DMD: variants seen among roughly 807,000 people sequenced by gnomAD.
DMD encodes the protein dystrophin.
In DMD, 63 loss-of-function variants were observed where a neutral mutation model predicts 330.1. That is an observed-to-expected ratio of 0.19 (90% CI 0.16 to 0.24). DMD has a LOEUF of 0.24. DMD is among the 10% of genes least tolerant of loss of function. DMD has a pLI of 1.00. For synonymous variants in DMD, 1,223 were observed against 959.8 expected, an observed-to-expected ratio of 1.27 and a Z score of -5.07; for missense variants, 3,344 against 2,684.1, an observed-to-expected ratio of 1.25 and a Z score of -5.43.
At chrX:32,470,917 A>G (rs767931980) in intron 22 of DMD, among the ~76,000 whole-genome samples, 5 of 112,295 alleles carry the variant, frequency 4.5e-5, no homozygotes, top group Non-Finnish European at 9.4e-5. Flanking sequence ...TTCTAAATAT[A>G]ACTAATACGT....
At chrX:32,884,263 A>G (rs1352040205) in intron 2 of DMD, among the ~76,000 whole-genome samples, 1 of 111,803 alleles carries the variant, frequency 8.9e-6, no homozygotes, top group Non-Finnish European at 1.9e-5. Context: ...AGGCCCAGTG[A>G]TAATTCTAGA....
chrX:32,835,962 T>G (rs2079577723), intron 4 of DMD, among the ~76,000 whole-genome samples: 1 of 111,153 alleles, frequency 9.0e-6, no homozygotes, highest in South Asian at 3.8e-4. Flanking sequence ...ATTAGGAGGC[T>G]GTTCATATGA....
intron 63 of DMD, among the ~76,000 whole-genome samples, chrX:31,225,513 C>T (rs2046494689): frequency 8.9e-6 from 1 of 112,151 alleles, no homozygotes; most frequent in Non-Finnish European, 1.9e-5. Context: ...AAATGGTGCC[C>T]TAGGCTGAAT....
intron 2 of DMD, among the ~76,000 whole-genome samples, chrX:32,992,631 G>A (rs2093005891): frequency 9.0e-6 from 1 of 111,120 alleles, no homozygotes; most frequent in Non-Finnish European, 1.9e-5. Flanking sequence ...TTTAAGAACA[G>A]ACTGTTGGCC....
chrX:31,984,957 G>C (rs1232175241), intron 44 of DMD, among the ~76,000 whole-genome samples: 1 of 111,849 alleles, frequency 8.9e-6, no homozygotes, highest in Non-Finnish European at 1.9e-5. Context: ...CTGAAACAAT[G>C]ATGGGACAAC....
intron 1 of DMD, among the ~76,000 whole-genome samples, chrX:33,172,482 T>G (rs942247695): frequency 2.7e-5 from 3 of 110,615 alleles, no homozygotes; most frequent in African/African-American, 6.7e-5. Context: ...GAAGGATATC[T>G]CAGGAATAAG....
At chrX:32,481,445 T>C (rs370198957) in intron 21 of DMD, among the ~76,000 whole-genome samples, 35 of 111,560 alleles carry the variant, frequency 3.1e-4, no homozygotes, top group African/African-American at 1.1e-3. Context: ...ATTTCCTCAA[T>C]TGAAATTCTT....
chrX:32,681,588 C>G (rs1569449654), intron 9 of DMD, among the ~76,000 whole-genome samples: 1 of 111,833 alleles, frequency 8.9e-6, no homozygotes, highest in East Asian at 2.8e-4. Context: ...TCACGGGCAG[C>G]TGCTCCCTTA....
At chrX:31,586,708 C>G (rs1477508852) in intron 55 of DMD, among the ~76,000 whole-genome samples, 1 of 112,171 alleles carries the variant, frequency 8.9e-6, no homozygotes, top group East Asian at 2.8e-4. Flanking sequence ...ATCTTAGAAT[C>G]AAGAACGTTT....
chrX:31,749,141 A>T lies in DMD; in HGVS notation c.7543-19393T>A, dbSNP rs752379688. ...CTTTTTTTAATTATTTTGAGATTTT[A>T]TTATTATTATTATTATTATACTTTA... On this transcript the variant is annotated intron_variant, in intron 51 of 78. Coordinates refer to ENST00000357033, the MANE Select transcript of DMD (RefSeq NM_004006.3). 1.2e-4 allele frequency among the ~76,000 whole-genome samples: 7 copies of T among 60,206 alleles called. No individual in the cohort carries two copies. In the East Asian group the frequency reaches 5.1e-3, roughly 44 times the overall value. 52.3% of individuals were successfully genotyped at this position (60,206 alleles called of 115,157 possible).
intron 44 of DMD, among the ~76,000 whole-genome samples, chrX:32,020,255 G>T (rs1402041549): frequency 8.9e-6 from 1 of 112,217 alleles, no homozygotes; most frequent in Non-Finnish European, 1.9e-5. Flanking sequence ...AATCATGCTG[G>T]GCCGGCCCAA....
rs771240938 is a variant in DMD, at chrX:31,169,531, G to A, written c.10465C>T (p.Arg3489Cys). ...LNQDSPLSQP[R>C]SPAQILISLE... is the part of the protein sequence containing the mutation. The stretch of plus-strand genomic sequence containing the variant: ...GAAATCAAGATCTGGGCAGGACTAC[G>A]AGGCTGGCTCAGGGGGGAGTCCTGG... The change falls in exon 74 of 79, where the codon CGT becomes TGT. Residue 3489 changes from arginine (R) to cysteine (C), a missense_variant. By Grantham distance (180) the Arg-to-Cys change is radical. Coordinates refer to ENST00000357033, the MANE Select transcript of DMD (RefSeq NM_004006.3). The A allele has an allele frequency of 8.3e-7, 1 of 1,203,832 alleles. No homozygotes were observed. The highest frequency in any genetic ancestry group is 3.0e-5 in the East Asian group (1 of 33,741).
At chrX:32,445,720 C>T (rs2098300736) in intron 27 of DMD, among the ~76,000 whole-genome samples, 1 of 110,241 alleles carries the variant, frequency 9.1e-6, no homozygotes, top group South Asian at 3.8e-4. Flanking sequence ...ACATTTCAGT[C>T]AAACAGATGG....
intron 1 of DMD, among the ~76,000 whole-genome samples, chrX:33,205,510 A>T (rs2051514374): frequency 8.9e-6 from 1 of 112,119 alleles, no homozygotes; most frequent in African/African-American, 3.2e-5. Flanking sequence ...TTGCAACCGT[A>T]ATCTGATAAA....
intron 53 of DMD, among the ~76,000 whole-genome samples, chrX:31,658,413 C>A (rs1183114355): frequency 9.0e-6 from 1 of 111,562 alleles, no homozygotes; most frequent in Non-Finnish European, 1.9e-5. Flanking sequence ...ATAAAGTGGG[C>A]TTAATTGTTT....
At chrX:33,293,552 A>C (rs1267844914) in intron 1 of DMD, among the ~76,000 whole-genome samples, 2 of 111,425 alleles carry the variant, frequency 1.8e-5, no homozygotes, top group Non-Finnish European at 3.8e-5. Flanking sequence ...AGTTTCACAC[A>C]TTAATTCTTA....
chrX:31,380,185 A>G (rs141243123), intron 60 of DMD, among the ~76,000 whole-genome samples: 1 of 110,060 alleles, frequency 9.1e-6, no homozygotes, highest in Admixed American at 9.7e-5. Flanking sequence ...TAAAACTCCC[A>G]AACTCTGGTG....
At chrX:32,705,578 ACGAGGCAGGTGCATCG>A (rs1445956754) in intron 7 of DMD, among the ~76,000 whole-genome samples, 1 of 111,553 alleles carries the variant, frequency 9.0e-6, no homozygotes, top group Non-Finnish European at 1.9e-5. Context: ...CTTCGGGAGG[ACGAGGCAGGTGCATCG>A]CCTGAGGTTA....
chrX:31,663,836 C>G (rs180735885), intron 53 of DMD, among the ~76,000 whole-genome samples: 116 of 111,673 alleles, frequency 1.0e-3, no homozygotes, highest in Non-Finnish European at 1.6e-3. Context: ...CACAGTCACA[C>G]TCTTTAGAAG....
Sources: gnomAD v4.1 joint callset for allele counts (sites outside exome capture counted in the v4.1 genomes callset) on GRCh38, gnomAD v4.1.1 for gene constraint, MANE v1.5 for transcripts, NCBI Gene and HGNC (gene_info 2026-07-23, HGNC 2026-07-21) for gene names.